C6orf52: variants seen among roughly 807,000 people sequenced by gnomAD.
C6orf52 encodes chromosome 6 open reading frame 52, also known as putative uncharacterized protein C6orf52.
C6orf52 carries 16 observed loss-of-function variants against 16.6 expected under a neutral mutation model. The observed-to-expected ratio is 0.96, with a 90% CI of 0.65 to 1.46. The LOEUF is 1.46. Among genes scored for constraint, C6orf52 ranks in the 40% most tolerant of loss-of-function variants. The probability of loss-of-function intolerance (pLI) is 0.00; values close to 1 mark genes in which losing one functional copy is unlikely to be tolerated. For missense variants in C6orf52, 166 were observed against 182.3 expected (o/e 0.91, Z 0.52); for synonymous variants, 53 against 61.4 (o/e 0.86, Z 0.64).
Position 10,687,512 on chromosome 6 carries a change from A to G in C6orf52, c.39T>C (p.Ala13=). ...QPESSADFGI[A]QQNNYYCYWQ... is the part of the protein sequence containing the mutation. ...AGTAGCAGTAATAGTTATTTTGTTG[A>G]GCTATGCCAAAATCTGCAGAACTCT... The change falls in exon 2 of 5, where the codon GCT becomes GCC. Residue 13 remains alanine (A), a synonymous_variant. Coordinates refer to ENST00000259983, the MANE Select transcript of C6orf52 (RefSeq NM_001145020.3). 5 of 1,551,110 alleles carry G rather than the reference A, an allele frequency of 3.2e-6. No individual in the cohort carries two copies. The highest frequency in any genetic ancestry group is 4.4e-6 in the Non-Finnish European group (5 of 1,146,626).
intron 4 of C6orf52, among the ~76,000 whole-genome samples, chr6:10,673,080 C>T (rs1767568324): frequency 6.6e-6 from 1 of 152,176 alleles, no homozygotes; most frequent in Non-Finnish European, 1.5e-5. Flanking sequence ...CGTTTCTGGT[C>T]ATAAAAGTAG....
intron 4 of C6orf52, among the ~76,000 whole-genome samples, chr6:10,676,440 A>G (rs182422589): frequency 6.6e-6 from 1 of 152,226 alleles, no homozygotes; most frequent in Admixed American, 6.5e-5. Flanking sequence ...CTGCAGACAC[A>G]GACAAGCAAG....
chr6:10,684,932 A>G (rs1768733551), intron 3 of C6orf52: 1 of 1,260,732 alleles, frequency 7.9e-7, no homozygotes, highest in Admixed American at 2.6e-5. Flanking sequence ...CACTACAGCC[A>G]CAAAAGATAA....
chr6:10,679,137 C>T (rs573372126), intron 4 of C6orf52, among the ~76,000 whole-genome samples: 19 of 151,340 alleles, frequency 1.3e-4, no homozygotes, highest in Admixed American at 1.1e-3. Flanking sequence ...AATGTAAATA[C>T]CTTAAGAAAT....
intron 4 of C6orf52, among the ~76,000 whole-genome samples, chr6:10,672,126 T>C (rs1767477458): frequency 6.6e-6 from 1 of 152,258 alleles, no homozygotes; most frequent in Non-Finnish European, 1.5e-5. Context: ...CGAGATGGTA[T>C]TATGTTATTG....
At chr6:10,692,313 T>C (rs1389699394) in intron 1 of C6orf52, among the ~76,000 whole-genome samples, 1 of 152,204 alleles carries the variant, frequency 6.6e-6, no homozygotes, top group African/African-American at 2.4e-5. Flanking sequence ...AGAGGACACT[T>C]ACTTCACACT....
At chr6:10,689,955 C>T (rs1190755447) in intron 1 of C6orf52, among the ~76,000 whole-genome samples, 1 of 152,198 alleles carries the variant, frequency 6.6e-6, no homozygotes, top group South Asian at 2.1e-4. Flanking sequence ...GTTAAAGATT[C>T]TTTTCCTGTA....
At chr6:10,692,347 G>A (rs1380224614) in intron 1 of C6orf52, among the ~76,000 whole-genome samples, 4 of 152,100 alleles carry the variant, frequency 2.6e-5, no homozygotes, top group East Asian at 1.9e-4. Flanking sequence ...TGGTTCTCTG[G>A]TGGAAACTTA....
At position 10,687,154 on chromosome 6, in the gene C6orf52, C is replaced by G. The variant is rs1440439297; in HGVS notation, c.82G>C (p.Ala28Pro). 2.6e-6 allele frequency: 4 copies of G among 1,548,710 alleles called. No homozygotes were observed. The African/African-American group carries it at 4.1e-5, about 16-fold the overall frequency. Residue 28 changes from alanine (A) to proline (P), a missense_variant, in exon 3 of 5, where the codon GCT becomes CCT. Ala to Pro is a conservative substitution (Grantham distance 27). Coordinates refer to ENST00000259983, the MANE Select transcript of C6orf52 (RefSeq NM_001145020.3). ...TGGAACTCCTGCTTCACTCTAATAG[C>G]AGAGGGGAGACTACAGGAATGACAA... is the stretch of plus-strand genomic sequence containing the variant. ...YYCYWQSLPS[A>P]IRVKQEFQPS...
At chr6:10,693,093 T>C (rs150008040) in intron 1 of C6orf52, among the ~76,000 whole-genome samples, 5 of 152,368 alleles carry the variant, frequency 3.3e-5, no homozygotes, top group African/African-American at 1.2e-4. Context: ...CCCTATTGTA[T>C]GTAACTGCGG....
intron 1 of C6orf52, among the ~76,000 whole-genome samples, chr6:10,688,034 CT>C (rs201095789): frequency 0.016 from 2,362 of 152,220 alleles, 51 homozygotes; most frequent in African/African-American, 0.053. Flanking sequence ...CTGGCTTTTT[CT>C]TTTTTTAATT....
intron 1 of C6orf52, among the ~76,000 whole-genome samples, chr6:10,691,629 T>A (rs1769317158): frequency 6.6e-6 from 1 of 152,086 alleles, no homozygotes; most frequent in African/African-American, 2.4e-5. Flanking sequence ...AAATTGGGCA[T>A]AAGACAATAT....
chr6:10,676,559 G>A (rs563823099), intron 4 of C6orf52, among the ~76,000 whole-genome samples: 8 of 152,324 alleles, frequency 5.3e-5, no homozygotes, highest in African/African-American at 1.9e-4. Flanking sequence ...CCAGCCACTT[G>A]TGCAGTAAGG....
At chr6:10,678,653 G>C (rs1010706260) in intron 4 of C6orf52, among the ~76,000 whole-genome samples, 2 of 152,092 alleles carry the variant, frequency 1.3e-5, no homozygotes, top group Non-Finnish European at 2.9e-5. Flanking sequence ...TATAAAAGTT[G>C]TTTACATTGG....
At chr6:10,683,085 G>C in intron 4 of C6orf52, 102 bp downstream of exon 4, 1 of 756,416 alleles carries the variant, frequency 1.3e-6, no homozygotes. Context: ...ACCTACATTG[G>C]AATTTTCCAA....
intron 1 of C6orf52, among the ~76,000 whole-genome samples, chr6:10,690,192 A>G (rs147443760): frequency 1.3e-5 from 2 of 152,320 alleles, no homozygotes; most frequent in Non-Finnish European, 1.5e-5. Context: ...GCAAGATCCC[A>G]GGGTAAAGAT....
chr6:10,683,526 TG>T (rs1316113780), intron 3 of C6orf52, among the ~76,000 whole-genome samples: 1 of 152,210 alleles, frequency 6.6e-6, no homozygotes, highest in Non-Finnish European at 1.5e-5. Context: ...TCCTAGAGCC[TG>T]AGCTAGGAAA....
intron 4 of C6orf52, among the ~76,000 whole-genome samples, chr6:10,676,086 C>T (rs1299441266): frequency 1.3e-5 from 2 of 152,132 alleles, no homozygotes; most frequent in African/African-American, 4.8e-5. Context: ...GCCGAAATCA[C>T]GCCACTGCGT....
intron 1 of C6orf52, among the ~76,000 whole-genome samples, chr6:10,688,968 C>G (rs536469779): frequency 2.6e-5 from 4 of 152,260 alleles, no homozygotes; most frequent in Non-Finnish European, 5.9e-5. Context: ...TCTGGCACCA[C>G]GCCTGGCTAA....
Sources: allele counts gnomAD v4.1 joint callset (sites outside exome capture counted in the v4.1 genomes callset), GRCh38; gene constraint gnomAD v4.1.1; transcripts MANE v1.5; gene names NCBI Gene and HGNC (gene_info 2026-07-23, HGNC 2026-07-21).